The following MAF variants were observed in gnomAD, a reference collection of about 807,000 sequenced individuals.
The protein encoded by MAF is transcription factor Maf.
A neutral mutation model predicts 22.0 loss-of-function variants in MAF; 10 were observed. That is an observed-to-expected ratio of 0.45 (90% CI 0.28 to 0.77). The LOEUF is 0.77. Among genes scored for constraint, MAF ranks in the 30% least tolerant of loss-of-function variants. The pLI is 0.12. For synonymous variants in MAF, 337 were observed against 255.8 expected (o/e 1.32, Z -3.03); for missense variants, 544 against 548.4 (o/e 0.99, Z 0.08).
the MAF span, among the ~76,000 whole-genome samples, chr16:79,248,573 TC>T: frequency 6.6e-6 from 1 of 152,202 alleles, no homozygotes; most frequent in Non-Finnish European, 1.5e-5. Context: ...ATGTTTTCCC[TC>T]CCCTGAAGAT....
At chr16:79,574,242 G>C in the MAF span, among the ~76,000 whole-genome samples, 1 of 152,188 alleles carries the variant, frequency 6.6e-6, no homozygotes, top group African/African-American at 2.4e-5. Context: ...GTGCGATCAA[G>C]TATCTTGGTT....
chr16:79,572,269 G>T, the MAF span, among the ~76,000 whole-genome samples: 3 of 152,156 alleles, frequency 2.0e-5, no homozygotes, highest in Non-Finnish European at 4.4e-5. Flanking sequence ...GGTGTGTGGA[G>T]GGACGTGCCA....
chr16:79,495,640 G>A, the MAF span, among the ~76,000 whole-genome samples: 1 of 152,080 alleles, frequency 6.6e-6, no homozygotes, highest in Non-Finnish European at 1.5e-5. Context: ...ATATTATTCT[G>A]CCTGCCGCGA....
the MAF span, among the ~76,000 whole-genome samples, chr16:79,528,261 C>G: frequency 1.3e-5 from 2 of 152,168 alleles, no homozygotes; most frequent in East Asian, 3.8e-4. Context: ...GTGCCTGCAG[C>G]CCTTTGTCCC....
At chr16:79,507,619 G>A in the MAF span, among the ~76,000 whole-genome samples, 6 of 151,678 alleles carry the variant, frequency 4.0e-5, no homozygotes, top group Admixed American at 1.3e-4. Context: ...TAGAGATGGG[G>A]TTTCACTATG....
At chr16:79,536,900 G>C in the MAF span, among the ~76,000 whole-genome samples, 5 of 152,154 alleles carry the variant, frequency 3.3e-5, no homozygotes, top group Admixed American at 6.5e-5. Flanking sequence ...CATGGATTTT[G>C]GTATGGGAGG....
the MAF span, among the ~76,000 whole-genome samples, chr16:79,239,857 G>C: frequency 6.6e-6 from 1 of 151,974 alleles, no homozygotes; most frequent in Non-Finnish European, 1.5e-5. Context: ...GCTGGGAATG[G>C]GCTGAAGAAG....
At chr16:79,415,995 T>C in the MAF span, among the ~76,000 whole-genome samples, 1 of 151,990 alleles carries the variant, frequency 6.6e-6, no homozygotes, top group Non-Finnish European at 1.5e-5. Context: ...GGTGAGACCT[T>C]CCCTACCTCC....
chr16:79,531,375 A>G, the MAF span, among the ~76,000 whole-genome samples: 79 of 152,108 alleles, frequency 5.2e-4, no homozygotes, highest in Middle Eastern at 3.4e-3. Context: ...ATAAAAGACA[A>G]TTTTTCCATG....
chr16:79,336,647 G>C, the MAF span, among the ~76,000 whole-genome samples: 1 of 151,896 alleles, frequency 6.6e-6, no homozygotes, highest in Non-Finnish European at 1.5e-5. Context: ...ACACAGGAAG[G>C]TTAAATAATT....
chr16:79,425,008 G>A, the MAF span, among the ~76,000 whole-genome samples: 1 of 151,986 alleles, frequency 6.6e-6, no homozygotes, highest in Non-Finnish European at 1.5e-5. Context: ...TCTTTGCTTA[G>A]AGAAGGTGAT....
the MAF span, among the ~76,000 whole-genome samples, chr16:79,573,022 G>A: frequency 6.6e-6 from 1 of 152,286 alleles, no homozygotes; most frequent in East Asian, 1.9e-4. Flanking sequence ...GTGGTTGTGA[G>A]GAAGGTTGAA....
chr16:79,354,817 C>A, the MAF span, among the ~76,000 whole-genome samples: 3 of 152,062 alleles, frequency 2.0e-5, no homozygotes, highest in South Asian at 2.1e-4. Flanking sequence ...TCAAAAGGAA[C>A]AAGAATTGAA....
chr16:79,599,192 CCCGCCGCCTCCG>C lies in MAF; in HGVS notation c.699_710del (p.Gly235_Gly238del), dbSNP rs1270915279. ...GGGCGCCCCCCGCCCCCGCCGCGCC[CCCGCCGCCTCCG>C]CCGCCGCCGCCGCCGCCGCCGCCCC... On this transcript the variant is annotated inframe_deletion, in exon 1 of 2. Transcript: ENST00000326043. 2.4e-5 allele frequency: 25 copies of C among 1,026,592 alleles called. No homozygotes were observed. The highest frequency in any genetic ancestry group is 2.9e-5 in the Non-Finnish European group (25 of 857,050). 63.6% of individuals were successfully genotyped at this position (1,026,592 alleles called of 1,614,324 possible). A position where few individuals can be genotyped will look rare whatever the true frequency, so the allele number is the denominator to read the frequency against.
chr16:79,461,411 C>G, the MAF span, among the ~76,000 whole-genome samples: 1 of 152,180 alleles, frequency 6.6e-6, no homozygotes, highest in Non-Finnish European at 1.5e-5. Flanking sequence ...GTCTCCTTTA[C>G]CCGATGGCTC....
chr16:79,594,608 C>T (rs926753126), intron 1 of MAF, 55 bp from the exon 2 acceptor site: 15 of 1,545,114 alleles, frequency 9.7e-6, no homozygotes, highest in African/African-American at 2.8e-5. Flanking sequence ...TCAAACGCAG[C>T]GTAAAGGGGA....
At chr16:79,524,282 T>C in the MAF span, among the ~76,000 whole-genome samples, 1 of 152,234 alleles carries the variant, frequency 6.6e-6, no homozygotes, top group African/African-American at 2.4e-5. Flanking sequence ...GGCTATGCAA[T>C]ACCTTCTTGC....
At chr16:79,517,268 A>G in the MAF span, among the ~76,000 whole-genome samples, 5 of 152,346 alleles carry the variant, frequency 3.3e-5, no homozygotes, top group South Asian at 6.2e-4. Flanking sequence ...TCAGCCTAGC[A>G]GCACCAGAGA....
the MAF span, among the ~76,000 whole-genome samples, chr16:79,245,584 T>C: frequency 2.9e-4 from 44 of 151,944 alleles, no homozygotes; most frequent in African/African-American, 9.4e-4. Context: ...TGTGGAGAAA[T>C]AGGAACACTT....
Sources: allele counts gnomAD v4.1 joint callset (sites outside exome capture counted in the v4.1 genomes callset), GRCh38; gene constraint gnomAD v4.1.1; transcripts MANE v1.5; gene names NCBI Gene and HGNC (gene_info 2026-07-23, HGNC 2026-07-21).